Variants in CIROP observed in about 807,000 individuals in gnomAD.
The protein encoded by CIROP is ciliated left-right organizer metallopeptidase.
the CIROP span, chr14:23,104,302 A>C: frequency 4.3e-6 from 3 of 693,586 alleles, no homozygotes; most frequent in Non-Finnish European, 7.9e-6. Flanking sequence ...CACCTATAAG[A>C]ATGAAGATCT....
the CIROP span, chr14:23,104,112 C>G: frequency 1.7e-6 from 1 of 591,154 alleles, no homozygotes; most frequent in Admixed American, 3.1e-5. Flanking sequence ...TGAGCCTGCT[C>G]AGGATCCTGT....
At chr14:23,103,825 G>A in the CIROP span, 2 of 701,834 alleles carry the variant, frequency 2.8e-6, no homozygotes, top group East Asian at 2.7e-5. Context: ...GAATCTGGCA[G>A]GGAGTGAAAT....
At chr14:23,101,481 G>C in the CIROP span, 2 of 608,522 alleles carry the variant, frequency 3.3e-6, no homozygotes, top group Non-Finnish European at 5.9e-6. Flanking sequence ...TGGCAAAGAA[G>C]CAACGGCTCT....
the CIROP span, chr14:23,102,101 A>G: frequency 2.8e-6 from 2 of 702,952 alleles, no homozygotes; most frequent in Non-Finnish European, 2.6e-6. Context: ...CCCTGGCCCC[A>G]CAACAGCTCC....
At chr14:23,104,419 C>G in the CIROP span, 1 of 703,042 alleles carries the variant, frequency 1.4e-6, no homozygotes, top group Admixed American at 2.0e-5. Flanking sequence ...TCTCCCCAGA[C>G]AGCGTGGCAA....
the CIROP span, chr14:23,100,987 A>T: frequency 1.8e-5 from 7 of 398,936 alleles, no homozygotes; most frequent in Admixed American, 2.2e-4. Context: ...GGGTTGAAAG[A>T]CTCACAGGTG....
chr14:23,099,813 C>A, the CIROP span: 1 of 200,280 alleles, frequency 5.0e-6, no homozygotes, highest in Admixed American at 6.1e-5. Context: ...TTAAGAGGGA[C>A]TATCGAACCT....
At chr14:23,103,707 G>A in the CIROP span, 11 of 702,850 alleles carry the variant, frequency 1.6e-5, no homozygotes, top group African/African-American at 7.0e-5. Context: ...TGAGCAACTC[G>A]CACATACAGG....
chr14:23,103,386 C>CA, the CIROP span: 1,263 of 363,990 alleles, frequency 3.5e-3, no homozygotes, highest in East Asian at 7.8e-3. Context: ...CCCGTCTCTA[C>CA]AAAAAAAAAT....
At chr14:23,099,211 A>G in the CIROP span, 1 of 413,022 alleles carries the variant, frequency 2.4e-6, no homozygotes, top group South Asian at 1.3e-4. Context: ...AGTATACACA[A>G]TAGATTTTCC....
At chr14:23,104,792 G>A in the CIROP span, 3 of 703,024 alleles carry the variant, frequency 4.3e-6, no homozygotes, top group Non-Finnish European at 5.2e-6. Flanking sequence ...GAGATTTTGA[G>A]GGGAGTTGGG....
chr14:23,103,427 G>C, the CIROP span: 1 of 433,880 alleles, frequency 2.3e-6, no homozygotes, highest in East Asian at 3.9e-5. Flanking sequence ...GGTGGTGCAT[G>C]CCTGTAATCC....
At chr14:23,103,535 C>T in the CIROP span, 1 of 594,956 alleles carries the variant, frequency 1.7e-6, no homozygotes. Flanking sequence ...GCCTGGGCAA[C>T]AGAGTGAGAC....
At chr14:23,104,535 G>C in the CIROP span, 1 of 702,500 alleles carries the variant, frequency 1.4e-6, no homozygotes, top group African/African-American at 1.7e-5. Flanking sequence ...TTTCTGGGCT[G>C]ATCTTCCTCC....
chr14:23,103,866 G>GA, the CIROP span: 6 of 686,896 alleles, frequency 8.7e-6, no homozygotes, highest in African/African-American at 7.0e-5. Context: ...GGAACAGTAG[G>GA]AAATTGGGTA....
At chr14:23,100,737 C>G in the CIROP span, 1 of 398,780 alleles carries the variant, frequency 2.5e-6, no homozygotes, top group Non-Finnish European at 4.4e-6. Flanking sequence ...GAGTATATCT[C>G]ATGAAACAGA....
the CIROP span, chr14:23,099,339 G>T: frequency 2.4e-6 from 1 of 413,438 alleles, no homozygotes. Context: ...CTGGTGAATG[G>T]TAAGAGGCAG....
At chr14:23,103,799 C>A in the CIROP span, 1 of 702,488 alleles carries the variant, frequency 1.4e-6, no homozygotes, top group Non-Finnish European at 2.6e-6. Context: ...GGCATAACCG[C>A]GAAGATGGGT....
the CIROP span, chr14:23,104,661 C>T: frequency 2.8e-6 from 2 of 702,966 alleles, no homozygotes; most frequent in Non-Finnish European, 5.2e-6. Flanking sequence ...TCGGGATCCC[C>T]CTCTCATCCC....
Sources: allele counts gnomAD v4.1 joint callset, GRCh38; gene constraint gnomAD v4.1.1; transcripts MANE v1.5; gene names NCBI Gene and HGNC (gene_info 2026-07-23, HGNC 2026-07-21).